Variants in CDH16 observed in about 807,000 individuals in gnomAD.
CDH16 encodes cadherin 16, also known as cadherin-16.
A neutral mutation model predicts 87.6 loss-of-function variants in CDH16; 79 were observed. The observed-to-expected ratio is 0.90, with a 90% CI of 0.75 to 1.09. The LOEUF (loss-of-function observed/expected upper bound fraction) is 1.09, where lower values mean the gene tolerates loss of function less well. CDH16 is among the 50% of genes least tolerant of loss of function. The pLI is 0.00. For synonymous variants in CDH16, 457 were observed against 439.5 expected, an observed-to-expected ratio of 1.04 and a Z score of -0.50; for missense variants, 1,124 against 1,071.7, an observed-to-expected ratio of 1.05 and a Z score of -0.68.
At chr16:66,915,116 T>C in intron 6 of CDH16, 104 bp downstream of exon 6, 1 of 1,193,452 alleles carries the variant, frequency 8.4e-7, no homozygotes, top group Middle Eastern at 3.0e-4. Context: ...CTTCCCTCCC[T>C]TTTTACCTCT....
chr16:66,908,454 T>A lies in CDH16; in HGVS notation c.2428A>T (p.Met810Leu), dbSNP rs1259386438. 6.2e-7 allele frequency: 1 copy of A among 1,614,038 alleles called. No homozygotes were observed. The highest frequency in any genetic ancestry group is 2.2e-5 in the East Asian group (1 of 44,880). ...FLILIFTHWTMSRKKDPDQPA... is the reference protein window; with the variant it reads ...FLILIFTHWTLSRKKDPDQPA... ...TGATCCGGGTCCTTCTTCCTTGACATGGTCCAGTGGGTGAAAATGAGGATG... is the reference window on the plus strand; with the variant it reads ...TGATCCGGGTCCTTCTTCCTTGACAAGGTCCAGTGGGTGAAAATGAGGATG... The change falls in exon 18 of 18, where the codon ATG becomes TTG. Residue 810 changes from methionine (M) to leucine (L), a missense_variant. Physicochemically the swap from Met to Leu is conservative, Grantham distance 15 (BLOSUM62 2). Coordinates refer to ENST00000299752, the MANE Select transcript of CDH16 (RefSeq NM_004062.4).
intron 14 of CDH16, chr16:66,910,929 A>G (rs761672801): frequency 1.8e-5 from 8 of 451,930 alleles, no homozygotes; most frequent in Middle Eastern, 1.1e-3. Context: ...TCCAGTGGCT[A>G]AAGGACAGGG....
rs757017606 is a variant in CDH16 at position 66,916,326 on chromosome 16, A to G, written c.233T>C (p.Leu78Pro). 3.1e-6 allele frequency: 5 copies of G among 1,614,162 alleles called. No homozygotes were observed. The highest frequency in any genetic ancestry group is 2.5e-6 in the Non-Finnish European group (3 of 1,179,976). The change falls in exon 4 of 18, where the codon CTG (leucine) becomes CCG (proline). Residue 78 changes from leucine to proline, a missense_variant. Leu to Pro is a moderately conservative substitution (Grantham distance 98, BLOSUM62 -3). Transcript: ENST00000299752. This position sits in a 1 kb window ranked among gnomAD's most constrained non-coding sequence, Gnocchi z 4.1. ...TCGGTCCAGGGCCCTGGTCACCAGC[A>G]GGAAGCCAGAATCTGGATCCATAGC... is the stretch of plus-strand genomic sequence containing the variant. Reference protein sequence around the residue: ...PFAMDPDSGFLLVTRALDREE... With the variant: ...PFAMDPDSGFPLVTRALDREE...
chr16:66,909,938 C>G lies in CDH16; in HGVS notation c.2275+48G>C, dbSNP rs746900315. On this transcript the variant is annotated intron_variant, in intron 16 of 17. Coordinates refer to ENST00000299752, the MANE Select transcript of CDH16 (RefSeq NM_004062.4). This position sits in a 1 kb window ranked among gnomAD's most constrained non-coding sequence, Gnocchi z 4.1. ...TGTACCAGCTCCCTCCCCTTGCATC[C>G]CAGCGGTTCCCTCAGGAACTGCAGG... 7.1e-7 allele frequency: 1 copy of G among 1,402,214 alleles called. No homozygotes were observed. The highest frequency in any genetic ancestry group is 2.3e-5 in the East Asian group (1 of 43,478). 86.9% of individuals were successfully genotyped at this position (1,402,214 alleles called of 1,614,324 possible).
In CDH16 at chr16:66,912,542, C is replaced by T. The variant is rs1962477688; in HGVS notation, c.1321G>A (p.Asp441Asn). ...AACTCAGGGGCGTGATCATTGATAT[C>T]TGTGACTGCGACTTCGACTTCACAC... ...STCEVEVAVTDINDHAPEFIT... is the reference protein window; with the variant it reads ...STCEVEVAVTNINDHAPEFIT... Residue 441 changes from aspartate (D) to asparagine (N), a missense_variant, in exon 11 of 18, where the codon GAT becomes AAT. Transcript: ENST00000299752. 6.2e-7 allele frequency: 1 copy of T among 1,614,184 alleles called. No individual in the cohort carries two copies. Among genetic ancestry groups the T allele is most frequent in the Non-Finnish European group, 8.5e-7 (1 of 1,180,028 alleles).
intron 6 of CDH16, 67 bp downstream of exon 6, chr16:66,915,153 G>T (rs1002558845): frequency 1.4e-6 from 2 of 1,446,706 alleles, no homozygotes; most frequent in Non-Finnish European, 1.9e-6. Context: ...CTTGTCTTAT[G>T]GTTCAGATAC....
Position 66,912,440 on chromosome 16 carries a change from G to C in CDH16, c.1360-10C>G, listed in dbSNP as rs754942346. On this transcript the variant is annotated splice_polypyrimidine_tract_variant and intron_variant, in intron 11 of 17. Coordinates refer to ENST00000299752, the MANE Select transcript of CDH16 (RefSeq NM_004062.4). ...GGCTTATAGGCCCAATCTGGAGGAG[G>C]AGGAGGGATGGTGAGCCCCCCACCA... is the stretch of plus-strand genomic sequence containing the variant. The C allele has an allele frequency of 1.2e-5, 19 of 1,613,968 alleles. No individual in the cohort carries two copies. The highest frequency in any genetic ancestry group is 5.0e-5 in the Admixed American group (3 of 60,014).
chr16:66,912,485 C>G lies in CDH16; in HGVS notation c.1359+19G>C, dbSNP rs569492106. 5 of 1,614,196 alleles carry G rather than the reference C, an allele frequency of 3.1e-6. No homozygotes were observed. The Admixed American group carries it at 8.3e-5, about 27-fold the overall frequency. On this transcript the variant is annotated intron_variant, in intron 11 of 17. Coordinates refer to ENST00000299752, the MANE Select transcript of CDH16 (RefSeq NM_004062.4). ...CCACCAGCATCCTTCCCAAGGCCTT[C>G]TCCCCTGCGTCTGCTTACCTGGGAA...
At position 66,911,140 on chromosome 16, in the gene CDH16, T is replaced by C. The variant is rs1208995842; in HGVS notation, c.1924+42A>G. 3.8e-6 allele frequency: 6 copies of C among 1,577,302 alleles called. No individual in the cohort carries two copies. The Admixed American group carries it at 1.1e-4, about 28-fold the overall frequency. On this transcript the variant is annotated intron_variant, in intron 14 of 17. Coordinates refer to ENST00000299752, the MANE Select transcript of CDH16 (RefSeq NM_004062.4). ...GTCCTGCTGTCTGTCTGTCTGAGGTTTGTACCCCCTCCCAGGGGCTCCCAT... is the reference window on the plus strand; with the variant it reads ...GTCCTGCTGTCTGTCTGTCTGAGGTCTGTACCCCCTCCCAGGGGCTCCCAT...
chr16:66,916,126 G>T lies in CDH16; in HGVS notation c.363C>A (p.Asp121Glu). ...TGGCTTGAGAGAAATGGGGCACCTG[G>T]TCATTCTCATCCTTCACGTGCACAA... is the stretch of plus-strand genomic sequence containing the variant. ...PVLVHVKDEN[D>E]QVPHFSQAIY... The change falls in exon 5 of 18, where the codon GAC becomes GAA. Residue 121 changes from aspartate to glutamate, a missense_variant. Physicochemically the swap from Asp to Glu is conservative, Grantham distance 45. Transcript: ENST00000299752. This position sits in a 1 kb window ranked among gnomAD's most constrained non-coding sequence, Gnocchi z 4.1. 6.2e-7 allele frequency: 1 copy of T among 1,614,234 alleles called. No individual in the cohort carries two copies. The highest frequency in any genetic ancestry group is 8.5e-7 in the Non-Finnish European group (1 of 1,180,042).
intron 6 of CDH16, 64 bp from the exon 7 acceptor site, chr16:66,914,476 C>T (rs1194089720): frequency 3.3e-6 from 4 of 1,225,882 alleles, no homozygotes; most frequent in Admixed American, 3.9e-5. Flanking sequence ...GCATCATTCT[C>T]AGCAAGATAC....
Position 66,916,431 on chromosome 16 carries a change from T to A in CDH16, c.130-2A>T, listed in dbSNP as rs1211581222. On this transcript the variant is annotated splice_acceptor_variant, in intron 3 of 17. Coordinates refer to ENST00000299752, the MANE Select transcript of CDH16 (RefSeq NM_004062.4). LOFTEE classifies it high-confidence loss of function. This position sits in a 1 kb window ranked among gnomAD's most constrained non-coding sequence, Gnocchi z 4.1. Reference sequence around the variant, plus strand: ...AGCCCCCTCACGGGGCAGCGGCAACTGATGGAAATGAACAGAAGTGAAGGG... The same window carrying A: ...AGCCCCCTCACGGGGCAGCGGCAACAGATGGAAATGAACAGAAGTGAAGGG... 6.3e-7 allele frequency: 1 copy of A among 1,594,014 alleles called. No individual in the cohort carries two copies. The highest frequency in any genetic ancestry group is 8.6e-7 in the Non-Finnish European group (1 of 1,168,302).
In CDH16 at chr16:66,909,973, A is replaced by G; in HGVS notation, c.2275+13T>C. 1 of 1,583,898 alleles carries G rather than the reference A, an allele frequency of 6.3e-7. No homozygotes were observed. Among genetic ancestry groups the G allele is most frequent in the Non-Finnish European group, 8.6e-7 (1 of 1,162,324 alleles). On this transcript the variant is annotated intron_variant, in intron 16 of 17. Coordinates refer to ENST00000299752, the MANE Select transcript of CDH16 (RefSeq NM_004062.4). This position sits in a 1 kb window ranked among gnomAD's most constrained non-coding sequence, Gnocchi z 4.1. ...CCTCAGGAACTGCAGGCTGCACCCA[A>G]GCCCAATCTCACCTCGAACCAGGAG... is the stretch of plus-strand genomic sequence containing the variant.
rs368982362 is a variant in CDH16 at position 66,916,416 on chromosome 16, C to T, written c.143G>A (p.Arg48His). ...CACGATCTGGCCTTCAGCCCCCTCA[C>T]GGGGCAGCGGCAACTGATGGAAATG... ...PLYLTKLPLP[R>H]EGAEGQIVLS... Residue 48 changes from arginine (R) to histidine (H), a missense_variant, in exon 4 of 18, where the codon CGT becomes CAT. Arg to His is a conservative substitution (Grantham distance 29, BLOSUM62 0). Transcript: ENST00000299752. The surrounding 1 kb of genome is among the most constrained non-coding windows in gnomAD (Gnocchi z 4.1). The T allele has an allele frequency of 1.2e-4, 197 of 1,601,462 alleles. No homozygotes were observed. Among genetic ancestry groups the T allele is most frequent in the Non-Finnish European group, 1.5e-4 (181 of 1,172,232 alleles).
chr16:66,915,496 G>C (rs1007573561), intron 5 of CDH16, 118 bp from the exon 6 acceptor site: 12 of 1,142,662 alleles, frequency 1.1e-5, no homozygotes, highest in African/African-American at 7.8e-5. Flanking sequence ...CAGGACTCCG[G>C]AGATGAGCCA....
chr16:66,908,296 G>T lies in CDH16; in HGVS notation c.*96C>A. On this transcript the variant is annotated 3_prime_UTR_variant, in exon 18 of 18. Coordinates refer to ENST00000299752, the MANE Select transcript of CDH16 (RefSeq NM_004062.4). ...GGGCAGATGGAGGGGCTTCTACTCT[G>T]TCCTGTCCCCTGCTGGATCTTGGGT... 2.0e-6 allele frequency: 2 copies of T among 998,562 alleles called. No individual in the cohort carries two copies. The highest frequency in any genetic ancestry group is 2.9e-4 in the Middle Eastern group (1 of 3,404). The allele number at this position is 998,562 out of a possible 1,614,324, so 61.9% of individuals were successfully genotyped here. A position where few individuals can be genotyped will look rare whatever the true frequency, so the allele number is the denominator to read the frequency against.
Position 66,917,641 on chromosome 16 carries a change from C to T in CDH16, c.129+1G>A, listed in dbSNP as rs752211350. 6.2e-7 allele frequency: 1 copy of T among 1,611,986 alleles called. No homozygotes were observed. The highest frequency in any genetic ancestry group is 1.1e-5 in the South Asian group (1 of 90,676). On this transcript the variant is annotated splice_donor_variant, in intron 3 of 17. Transcript: ENST00000299752. LOFTEE classifies it high-confidence loss of function. ...GCCCCAACCCCAGCTCTCCGGCTCA[C>T]CTTGGTCAGGTATAAAGGGAAATTT...
rs772946310 is a variant in CDH16, at chr16:66,914,180, TG to T, written c.780+35del. The stretch of plus-strand genomic sequence containing the variant: ...GACTCGGGCCTGGCTGCACCATCCA[TG>T]GGGCTGCTTCAGCCACTGACAGCCA... On this transcript the variant is annotated intron_variant, in intron 7 of 17. Transcript: ENST00000299752. 3.2e-6 allele frequency: 5 copies of T among 1,565,622 alleles called. No homozygotes were observed. The African/African-American group carries it at 6.8e-5, about 21-fold the overall frequency.
intron 14 of CDH16, 141 bp downstream of exon 14, chr16:66,911,041 T>C: frequency 1.3e-6 from 1 of 752,570 alleles, no homozygotes; most frequent in Non-Finnish European, 2.0e-6. Flanking sequence ...AGAGGAACAT[T>C]GAACCCAGCT....
Sources: allele counts gnomAD v4.1 joint callset, GRCh38; gene constraint gnomAD v4.1.1; non-coding constraint Gnocchi (gnomAD v3.1); transcripts MANE v1.5; gene names NCBI Gene and HGNC (gene_info 2026-07-23, HGNC 2026-07-21).